KCNC2: variants seen among roughly 807,000 people sequenced by gnomAD.
The protein encoded by KCNC2 is potassium voltage-gated channel subfamily C member 2, also known as voltage-gated potassium channel KCNC2.
In KCNC2, 21 loss-of-function variants were observed where a neutral mutation model predicts 44.5. The ratio of observed to expected loss-of-function variants is 0.47; its 90% CI spans 0.33 to 0.68. The LOEUF is 0.68. Among genes scored for constraint, KCNC2 ranks in the 30% least tolerant of loss-of-function variants. The probability of loss-of-function intolerance (pLI) is 0.01; values close to 1 mark genes in which losing one functional copy is unlikely to be tolerated. For missense variants in KCNC2, 589 were observed against 826.2 expected (o/e 0.71, Z 3.52); for synonymous variants, 391 against 339.1 (o/e 1.15, Z -1.68).
At chr12:75,184,860 G>T (rs1261466460) in intron 2 of KCNC2, among the ~76,000 whole-genome samples, 1 of 152,192 alleles carries the variant, frequency 6.6e-6, no homozygotes, top group Non-Finnish European at 1.5e-5. Context: ...ATAGAACAAA[G>T]ATTAAATAAT....
At chr12:75,075,444 G>C (rs1193259502) in intron 2 of KCNC2, among the ~76,000 whole-genome samples, 1 of 85,926 alleles carries the variant, frequency 1.2e-5, no homozygotes, top group Admixed American at 1.5e-4. Flanking sequence ...TCTCAGGAGA[G>C]AAATATATAT....
intron 2 of KCNC2, among the ~76,000 whole-genome samples, chr12:75,083,924 A>T (rs1241405348): frequency 6.6e-6 from 1 of 152,086 alleles, no homozygotes; most frequent in Non-Finnish European, 1.5e-5. Context: ...CTCAAGGAAT[A>T]CATACAGTAG....
intron 2 of KCNC2, among the ~76,000 whole-genome samples, chr12:75,149,084 A>G (rs1462897422): frequency 1.3e-5 from 2 of 151,828 alleles, no homozygotes; most frequent in African/African-American, 2.4e-5. Context: ...TGTGAAACCC[A>G]AGTGATGAAT....
chr12:75,141,783 C>G (rs1365589300), intron 2 of KCNC2, among the ~76,000 whole-genome samples: 1 of 152,062 alleles, frequency 6.6e-6, no homozygotes, highest in Non-Finnish European at 1.5e-5. Flanking sequence ...ATGAGTATTA[C>G]TATGTACCAG....
chr12:75,043,877 TCAGTGAA>T, intron 4 of KCNC2: 2 of 1,001,536 alleles, frequency 2.0e-6, no homozygotes, highest in African/African-American at 1.7e-5. Flanking sequence ...AGTCATAATT[TCAGTGAA>T]ATAAGTTTGA....
At chr12:75,121,485 A>G (rs1305401671) in intron 2 of KCNC2, among the ~76,000 whole-genome samples, 4 of 152,230 alleles carry the variant, frequency 2.6e-5, no homozygotes, top group South Asian at 4.1e-4. Flanking sequence ...CATATGAGCT[A>G]GGAAAATAAA....
intron 2 of KCNC2, among the ~76,000 whole-genome samples, chr12:75,124,591 A>T (rs1450128108): frequency 2.0e-5 from 3 of 152,216 alleles, no homozygotes; most frequent in Admixed American, 6.5e-5. Context: ...ATATACATTA[A>T]AGAAGGATTA....
intron 2 of KCNC2, among the ~76,000 whole-genome samples, chr12:75,188,784 C>A (rs191991285): frequency 6.6e-6 from 1 of 151,518 alleles, no homozygotes; most frequent in Non-Finnish European, 1.5e-5. Flanking sequence ...CACTTGAACC[C>A]GGAGTTGGAG....
intron 2 of KCNC2, among the ~76,000 whole-genome samples, chr12:75,103,111 C>T (rs1886505209): frequency 6.6e-6 from 1 of 152,018 alleles, no homozygotes; most frequent in Non-Finnish European, 1.5e-5. Flanking sequence ...GAATTGCTTG[C>T]AAAATAGTCT....
chr12:75,043,298 A>G, intron 4 of KCNC2, 57 bp from the exon 5 acceptor site: 1 of 1,601,946 alleles, frequency 6.2e-7, no homozygotes, highest in South Asian at 1.1e-5. Context: ...TAGACAGACA[A>G]ATAATACCAT....
rs755124307 is a variant in KCNC2, at chr12:75,207,775, A to T, written c.209T>A (p.Leu70Gln). The T allele has an allele frequency of 4.0e-5, 63 of 1,582,478 alleles. No homozygotes were observed. Among genetic ancestry groups the T allele is most frequent in the Non-Finnish European group, 5.3e-5 (62 of 1,165,356 alleles). The change falls in exon 2 of 5, where the codon CTG (leucine) becomes CAG (glutamine). Residue 70 changes from leucine (L) to glutamine (Q), a missense_variant. Leu to Gln is a moderately radical substitution (Grantham distance 113, BLOSUM62 -2). Around this residue, in one of 7 missense-constraint regions of KCNC2, gnomAD observed 148 missense variants for 140.1 expected, o/e 1.06. Transcript: ENST00000549446. This position sits in a 1 kb window ranked among gnomAD's most constrained non-coding sequence, Gnocchi z 4.1. ...PLSPPPRAPP[L>Q]SPGPGGCFEG... is the part of the protein sequence containing the mutation. Reference sequence around the variant, plus strand: ...GAAGCAGCCGCCTGGCCCGGGGGACAGCGGGGGCGCTCTCGGCGGCGGCGA... The same window carrying T: ...GAAGCAGCCGCCTGGCCCGGGGGACTGCGGGGGCGCTCTCGGCGGCGGCGA...
At chr12:75,074,862 GAAACACA>G (rs1183944777) in intron 2 of KCNC2, among the ~76,000 whole-genome samples, 1 of 152,160 alleles carries the variant, frequency 6.6e-6, no homozygotes, top group Non-Finnish European at 1.5e-5. Flanking sequence ...TTGTGTTAGA[GAAACACA>G]ATGTGCCTAT....
intron 2 of KCNC2, among the ~76,000 whole-genome samples, chr12:75,127,941 A>G (rs1171842696): frequency 6.6e-6 from 1 of 152,158 alleles, no homozygotes; most frequent in African/African-American, 2.4e-5. Context: ...TTTTTCTCCA[A>G]ATGAATCTAC....
In KCNC2 at chr12:75,085,218, G is replaced by T. The variant is rs533211298; in HGVS notation, c.688-33901C>A. 1.1e-4 allele frequency among the ~76,000 whole-genome samples: 16 copies of T among 151,946 alleles called. 1 individual carries two copies. In the South Asian group the frequency reaches 2.9e-3, roughly 28 times the overall value. ...AATTGTATTTCATGTCTAAATTAGT[G>T]GATTTCATATTATTACCAGTAACCT... On this transcript the variant is annotated intron_variant, in intron 2 of 4. Transcript: ENST00000549446.
At chr12:75,180,771 C>T (rs1892519577) in intron 2 of KCNC2, among the ~76,000 whole-genome samples, 2 of 151,766 alleles carry the variant, frequency 1.3e-5, no homozygotes, top group Admixed American at 6.6e-5. Flanking sequence ...GAATCTTTTC[C>T]TACAGTGTGA....
intron 2 of KCNC2, among the ~76,000 whole-genome samples, chr12:75,052,171 A>G (rs1881251153): frequency 6.6e-6 from 1 of 152,122 alleles, no homozygotes; most frequent in African/African-American, 2.4e-5. Context: ...AGTAATTTAC[A>G]TCATTAACTC....
At chr12:75,076,561 C>T (rs1437525738) in intron 2 of KCNC2, among the ~76,000 whole-genome samples, 2 of 152,112 alleles carry the variant, frequency 1.3e-5, no homozygotes, top group African/African-American at 4.8e-5. Flanking sequence ...CGTGAGCCAC[C>T]GCGCCTGGCC....
Position 75,207,262 on chromosome 12 carries a change from T to C in KCNC2, c.687+35A>G. On this transcript the variant is annotated intron_variant, in intron 2 of 4. Transcript: ENST00000549446. This position sits in a 1 kb window ranked among gnomAD's most constrained non-coding sequence, Gnocchi z 4.1. ...AGTTGGGGAGGGAGTTGGGAGAAGT[T>C]GAAGCAGCAGGGAAGGGGTCGATTC... is the stretch of plus-strand genomic sequence containing the variant. 1 of 1,509,918 alleles carries C rather than the reference T, an allele frequency of 6.6e-7. No individual in the cohort carries two copies. The highest frequency in any genetic ancestry group is 8.8e-7 in the Non-Finnish European group (1 of 1,133,130). 93.5% of individuals were successfully genotyped at this position (1,509,918 alleles called of 1,614,324 possible). A position where few individuals can be genotyped will look rare whatever the true frequency, so the allele number is the denominator to read the frequency against.
chr12:75,164,916 G>C (rs955550542), intron 2 of KCNC2, among the ~76,000 whole-genome samples: 2 of 151,626 alleles, frequency 1.3e-5, no homozygotes, highest in African/African-American at 4.8e-5. Flanking sequence ...CCAAGTGTGT[G>C]CTTCCTTAAC....
Sources: allele counts gnomAD v4.1 joint callset (sites outside exome capture counted in the v4.1 genomes callset), GRCh38; gene constraint gnomAD v4.1.1; regional missense constraint gnomAD v4.1.1; non-coding constraint Gnocchi (gnomAD v3.1); transcripts MANE v1.5; gene names NCBI Gene and HGNC (gene_info 2026-07-23, HGNC 2026-07-21).